The following LRRC36 variants were observed in gnomAD, a reference collection of about 807,000 sequenced individuals.
The protein encoded by LRRC36 is leucine-rich repeat-containing protein 36.
A neutral mutation model predicts 81.1 loss-of-function variants in LRRC36; 62 were observed. That is an observed-to-expected ratio of 0.76 (90% CI 0.62 to 0.94). The LOEUF (loss-of-function observed/expected upper bound fraction) is 0.94. Among genes scored for constraint, LRRC36 ranks in the 40% least tolerant of loss-of-function variants. LRRC36 has a pLI of 0.00. For missense variants in LRRC36, 761 were observed against 881.7 expected (o/e 0.86, Z 1.73); for synonymous variants, 334 against 348.6 (o/e 0.96, Z 0.47).
intron 5 of LRRC36, among the ~76,000 whole-genome samples, chr16:67,355,988 T>C (rs2038887920): frequency 6.6e-6 from 1 of 152,150 alleles, no homozygotes; most frequent in Admixed American, 6.6e-5. Flanking sequence ...AAGAAAGCCA[T>C]GTGTCGGTGT....
At position 67,365,433 on chromosome 16, in the gene LRRC36, A is replaced by G. The variant is rs1254753761; in HGVS notation, c.754+78A>G. 5.3e-5 allele frequency: 69 copies of G among 1,295,912 alleles called. No homozygotes were observed. The Admixed American group carries it at 1.3e-3, about 24-fold the overall frequency. 80.3% of individuals were successfully genotyped at this position (1,295,912 alleles called of 1,614,324 possible). A position where few individuals can be genotyped will look rare whatever the true frequency, so the allele number is the denominator to read the frequency against. ...GGATGTGATGGGATTTGGGAGATGAAGATGTCTCAATATGGGGGCCCTATT... is the reference window on the plus strand; with the variant it reads ...GGATGTGATGGGATTTGGGAGATGAGGATGTCTCAATATGGGGGCCCTATT... On this transcript the variant is annotated intron_variant, in intron 7 of 13. Coordinates refer to ENST00000329956, the MANE Select transcript of LRRC36 (RefSeq NM_018296.6).
intron 1 of LRRC36, among the ~76,000 whole-genome samples, chr16:67,329,710 G>C (rs1347233119): frequency 6.6e-6 from 1 of 152,012 alleles, no homozygotes; most frequent in East Asian, 1.9e-4. Context: ...TTGAGGCCAG[G>C]AGTTCAAGAC....
chr16:67,365,368 C>T lies in LRRC36; in HGVS notation c.754+13C>T. On this transcript the variant is annotated intron_variant, in intron 7 of 13. Transcript: ENST00000329956. ...CACCAGGAAGATGGTAAATATTTTGCTCACTGAGTATTTTTCCCCCACACT... is the reference window on the plus strand; with the variant it reads ...CACCAGGAAGATGGTAAATATTTTGTTCACTGAGTATTTTTCCCCCACACT... 1 of 1,611,260 alleles carries T rather than the reference C, an allele frequency of 6.2e-7. No individual in the cohort carries two copies. The highest frequency in any genetic ancestry group is 8.5e-7 in the Non-Finnish European group (1 of 1,177,766).
chr16:67,351,487 ACCTAAGG>A (rs1315996138), intron 5 of LRRC36, among the ~76,000 whole-genome samples: 2 of 152,182 alleles, frequency 1.3e-5, no homozygotes, highest in East Asian at 3.8e-4. Flanking sequence ...TGGGCAGATC[ACCTAAGG>A]CCAGGAATTC....
intron 5 of LRRC36, among the ~76,000 whole-genome samples, chr16:67,356,852 A>G (rs912833076): frequency 2.0e-5 from 3 of 152,250 alleles, no homozygotes; most frequent in Non-Finnish European, 2.9e-5. Flanking sequence ...AGGGAAAAGC[A>G]GCAGCAAAGA....
chr16:67,332,883 A>T (rs1007715605), intron 1 of LRRC36, among the ~76,000 whole-genome samples: 9 of 151,370 alleles, frequency 5.9e-5, no homozygotes, highest in Non-Finnish European at 7.4e-5. Flanking sequence ...TTATTTATTT[A>T]TTTTATTTAT....
At chr16:67,371,288 C>A in intron 9 of LRRC36, 46 bp downstream of exon 9, 2 of 1,607,452 alleles carry the variant, frequency 1.2e-6, no homozygotes, top group Non-Finnish European at 1.7e-6. Flanking sequence ...AGGTCAGGTT[C>A]GAGACCAGAA....
intron 12 of LRRC36, among the ~76,000 whole-genome samples, chr16:67,381,543 T>C (rs150434631): frequency 2.1e-4 from 32 of 152,330 alleles, no homozygotes; most frequent in Admixed American, 1.0e-3. Context: ...AGGTGTCTCA[T>C]TGAATCCTCA....
chr16:67,335,039 G>C (rs1012287594), intron 1 of LRRC36, among the ~76,000 whole-genome samples: 14 of 152,294 alleles, frequency 9.2e-5, no homozygotes, highest in South Asian at 2.1e-4. Context: ...ACAGGACCGG[G>C]GTGAAATTAA....
chr16:67,328,653 C>T (rs1175960031), intron 1 of LRRC36, among the ~76,000 whole-genome samples: 2 of 152,118 alleles, frequency 1.3e-5, no homozygotes, highest in East Asian at 3.8e-4. Flanking sequence ...GAAATATTCT[C>T]TACATATATA....
chr16:67,382,327 A>G (rs1406504756), intron 13 of LRRC36, 80 bp downstream of exon 13: 5 of 986,900 alleles, frequency 5.1e-6, no homozygotes, highest in Admixed American at 2.3e-5. Flanking sequence ...TGGAAAGTTA[A>G]TATCTATGCA....
Position 67,350,772 on chromosome 16 carries a change from C to T in LRRC36, c.577+482C>T, listed in dbSNP as rs567141546. On this transcript the variant is annotated intron_variant, in intron 5 of 13. Transcript: ENST00000329956. Reference sequence around the variant, plus strand: ...GGTTATGCCAGGCTGGGCACAGTGGCTCACGCCTGTAATCCCAGCACTTTG... The same window carrying T: ...GGTTATGCCAGGCTGGGCACAGTGGTTCACGCCTGTAATCCCAGCACTTTG... Among the ~76,000 whole-genome samples the T allele has an allele frequency of 2.0e-3, 302 of 152,352 alleles. 2 individuals carry two copies. Among genetic ancestry groups the T allele is most frequent in the African/African-American group, 6.9e-3 (289 of 41,584 alleles).
Position 67,350,202 on chromosome 16 carries a change from C to T in LRRC36, c.489C>T (p.Ser163=). The change falls in exon 5 of 14, where the codon AGC becomes AGT. Residue 163 remains serine, a splice_region_variant and synonymous_variant. Transcript: ENST00000329956. Reference sequence around the variant, plus strand: ...GTAAATAAATTATTCTATGTGGCAGCTCTAGGGAGAAGACAATGAAAAACT... The same window carrying T: ...GTAAATAAATTATTCTATGTGGCAGTTCTAGGGAGAAGACAATGAAAAACT... ...SENFLLEVEK[S]SREKTMKNCV... The T allele has an allele frequency of 6.2e-7, 1 of 1,600,780 alleles. No individual in the cohort carries two copies. The highest frequency in any genetic ancestry group is 1.4e-5 in the African/African-American group (1 of 72,876).
At chr16:67,352,680 TA>T (rs2038707983) in intron 5 of LRRC36, among the ~76,000 whole-genome samples, 4 of 144,924 alleles carry the variant, frequency 2.8e-5, no homozygotes, top group Admixed American at 6.7e-5. Flanking sequence ...TTTATTTATT[TA>T]TTTATTTATT....
rs1567470473 is a variant in LRRC36, at chr16:67,341,085, TTC to T, written c.71-870_71-869del. 2.7e-5 allele frequency among the ~76,000 whole-genome samples: 3 copies of T among 110,460 alleles called. 1 individual carries two copies. The highest frequency in any genetic ancestry group is 1.2e-4 in the African/African-American group (3 of 24,854). 72.5% of individuals were successfully genotyped at this position (110,460 alleles called of 152,430 possible). On this transcript the variant is annotated intron_variant, in intron 1 of 13. Transcript: ENST00000329956. ...TTCTATAGAATATGTACTCTACATA[TTC>T]TATAGAATATGTACTCTACATATTC...
At chr16:67,340,322 T>C (rs939300896) in intron 1 of LRRC36, among the ~76,000 whole-genome samples, 3 of 152,056 alleles carry the variant, frequency 2.0e-5, no homozygotes, top group Non-Finnish European at 4.4e-5. Flanking sequence ...AGTGAGTTCT[T>C]ACTGACAATT....
chr16:67,336,836 T>G (rs1438441525), intron 1 of LRRC36: 1 of 152,018 alleles, frequency 6.6e-6, no homozygotes, highest in Non-Finnish European at 1.5e-5. Flanking sequence ...GGTGCCATCA[T>G]GACTCACTGT....
At chr16:67,343,561 G>A (rs2038194961) in intron 2 of LRRC36, among the ~76,000 whole-genome samples, 1 of 151,828 alleles carries the variant, frequency 6.6e-6, no homozygotes, top group African/African-American at 2.4e-5. Context: ...CAGGCGTGGT[G>A]GCAGGCGCCT....
In LRRC36 at chr16:67,350,305, T is replaced by TTATAAA. The variant is rs2038564980; in HGVS notation, c.577+15_577+16insTATAAA. 3 of 1,589,886 alleles carry TTATAAA rather than the reference T, an allele frequency of 1.9e-6. No homozygotes were observed. Among genetic ancestry groups the TTATAAA allele is most frequent in the Admixed American group, 1.7e-5 (1 of 58,036 alleles). ...GATTGAAATGGGTAAGTTTTCTCCC[T>TTATAAA]GTGATTATAAAATGATTAAAACATC... On this transcript the variant is annotated intron_variant, in intron 5 of 13. Transcript: ENST00000329956.
Sources: allele counts gnomAD v4.1 joint callset (sites outside exome capture counted in the v4.1 genomes callset), GRCh38; gene constraint gnomAD v4.1.1; transcripts MANE v1.5; gene names NCBI Gene and HGNC (gene_info 2026-07-23, HGNC 2026-07-21).